The following KDM1A variants were observed in gnomAD, a reference collection of about 807,000 sequenced individuals.
KDM1A encodes lysine demethylase 1A.
KDM1A carries 49 observed loss-of-function variants against 109.4 expected under a neutral mutation model. That is an observed-to-expected ratio of 0.45 (90% CI 0.36 to 0.57). The LOEUF is 0.57. Ranked by LOEUF, KDM1A falls within the 20% of genes least tolerant of loss-of-function variation. The pLI is 0.00. For missense variants in KDM1A, 668 were observed against 1,116.6 expected, an observed-to-expected ratio of 0.60 and a Z score of 5.73; for synonymous variants, 380 against 415.4, an observed-to-expected ratio of 0.91 and a Z score of 1.04.
In KDM1A at chr1:23,027,721, CT is replaced by C. The variant is rs34716853; in HGVS notation, c.352-2732del. Among the ~76,000 whole-genome samples the C allele has an allele frequency of 3.5e-3, 474 of 136,462 alleles. 3 individuals carry two copies. Among genetic ancestry groups the C allele is most frequent in the South Asian group, 0.02 (83 of 4,162 alleles). 89.5% of individuals were successfully genotyped at this position (136,462 alleles called of 152,430 possible). On this transcript the variant is annotated intron_variant, in intron 1 of 20. Transcript: ENST00000400181. ...ACAGGCTTGAGCCACCGCTCCCAGC[CT>C]TTTTTTTTTTTTTTTAAGCTTGCTT... is the stretch of plus-strand genomic sequence containing the variant.
intron 9 of KDM1A, among the ~76,000 whole-genome samples, chr1:23,063,243 T>G (rs1221101116): frequency 4.6e-5 from 6 of 129,706 alleles, no homozygotes; most frequent in Non-Finnish European, 9.8e-5. Context: ...TGTGTGTGTG[T>G]GTGTGTGTGT....
chr1:23,061,918 C>T (rs1280656070), intron 9 of KDM1A, among the ~76,000 whole-genome samples: 1 of 152,154 alleles, frequency 6.6e-6, no homozygotes, highest in Non-Finnish European at 1.5e-5. Context: ...CTTAGCCTCC[C>T]AAAGTGCTAG....
chr1:23,053,976 A>T (rs992265187), intron 5 of KDM1A, 137 bp downstream of exon 5: 2 of 616,608 alleles, frequency 3.2e-6, no homozygotes, highest in Admixed American at 5.8e-5. Context: ...CTGTGCAAAA[A>T]TAAGTCTTAT....
Position 23,073,456 on chromosome 1 carries a change from A to C in KDM1A, c.1734+53A>C, listed in dbSNP as rs939781677. The C allele has an allele frequency of 1.3e-5, 12 of 953,900 alleles. No homozygotes were observed. The African/African-American group carries it at 1.8e-4, about 14-fold the overall frequency. The allele number at this position is 953,900 out of a possible 1,614,324, so 59.1% of individuals were successfully genotyped here. On this transcript the variant is annotated intron_variant, in intron 15 of 20. Coordinates refer to ENST00000400181, the MANE Select transcript of KDM1A (RefSeq NM_001009999.3). ...TGCACATGCCTTTGAGAGGGATTGTAAGAGAAATAGTTAATTTTGTATGTG... is the reference window on the plus strand; with the variant it reads ...TGCACATGCCTTTGAGAGGGATTGTCAGAGAAATAGTTAATTTTGTATGTG...
intron 4 of KDM1A, 58 bp from the exon 5 acceptor site, chr1:23,053,703 A>G: frequency 1.7e-6 from 2 of 1,172,452 alleles, no homozygotes; most frequent in Non-Finnish European, 2.5e-6. Context: ...GATTTTAAAG[A>G]TAGTCAAATA....
At chr1:23,035,987 T>G (rs1010169348) in intron 2 of KDM1A, among the ~76,000 whole-genome samples, 1 of 152,176 alleles carries the variant, frequency 6.6e-6, no homozygotes, top group Non-Finnish European at 1.5e-5. Flanking sequence ...CTCTTCCCTG[T>G]GAGGCAGTCA....
Position 23,044,112 on chromosome 1 carries a change from G to A in KDM1A, c.518-315G>A, listed in dbSNP as rs75500174. 1.0e-3 allele frequency among the ~76,000 whole-genome samples: 155 copies of A among 152,166 alleles called. 2 individuals carry two copies. In the East Asian group the frequency reaches 0.024, roughly 23 times the overall value. On this transcript the variant is annotated intron_variant, in intron 2 of 20. Coordinates refer to ENST00000400181, the MANE Select transcript of KDM1A (RefSeq NM_001009999.3). ...TAGCAGCCGTTAGTAAAAGACACTCGGAATCCATTTTCCCCCATCCAGACT... is the reference window on the plus strand; with the variant it reads ...TAGCAGCCGTTAGTAAAAGACACTCAGAATCCATTTTCCCCCATCCAGACT...
chr1:23,021,271 C>A (rs373460207), intron 1 of KDM1A, among the ~76,000 whole-genome samples: 17 of 152,290 alleles, frequency 1.1e-4, no homozygotes, highest in African/African-American at 4.1e-4. Flanking sequence ...TTGGTGACAC[C>A]AGCCCTCAGA....
chr1:23,064,673 G>C (rs1422451372), intron 9 of KDM1A, among the ~76,000 whole-genome samples: 1 of 152,210 alleles, frequency 6.6e-6, no homozygotes, highest in Non-Finnish European at 1.5e-5. Context: ...CTTCTTGCAG[G>C]ATTGGGGACC....
At chr1:23,029,296 T>C (rs939150038) in intron 1 of KDM1A, among the ~76,000 whole-genome samples, 1 of 152,220 alleles carries the variant, frequency 6.6e-6, no homozygotes, top group African/African-American at 2.4e-5. Flanking sequence ...TTGCTTTTTT[T>C]CCACATCTAA....
At chr1:23,044,301 G>A in intron 2 of KDM1A, 126 bp from the exon 3 acceptor site, 2 of 773,266 alleles carry the variant, frequency 2.6e-6, no homozygotes, top group Non-Finnish European at 4.4e-6. Context: ...AGAAGAAGGA[G>A]CTCTCTGAAT....
chr1:23,078,107 T>G (rs1391312878), intron 16 of KDM1A, among the ~76,000 whole-genome samples: 2 of 152,210 alleles, frequency 1.3e-5, no homozygotes, highest in Non-Finnish European at 2.9e-5. Context: ...GCCATCAATC[T>G]TACCCTGCGC....
chr1:23,081,361 ACCAG>A, intron 18 of KDM1A, 81 bp from the exon 19 acceptor site: 1 of 1,475,932 alleles, frequency 6.8e-7, no homozygotes, highest in East Asian at 2.3e-5. Flanking sequence ...ATTTCAGAGC[ACCAG>A]GAATAAGGTG....
chr1:23,028,151 C>A (rs1641867401), intron 1 of KDM1A, among the ~76,000 whole-genome samples: 1 of 152,076 alleles, frequency 6.6e-6, no homozygotes, highest in African/African-American at 2.4e-5. Context: ...TTAGCAGTAC[C>A]TTTATTTTCT....
chr1:23,080,032 TCTTA>T (rs1346314326), intron 18 of KDM1A, among the ~76,000 whole-genome samples: 1 of 152,226 alleles, frequency 6.6e-6, no homozygotes, highest in African/African-American at 2.4e-5. Flanking sequence ...TGATTACTTC[TCTTA>T]CTATGTGTTT....
At chr1:23,042,697 C>T (rs1377264892) in intron 2 of KDM1A, among the ~76,000 whole-genome samples, 2 of 151,138 alleles carry the variant, frequency 1.3e-5, no homozygotes, top group Non-Finnish European at 2.9e-5. Flanking sequence ...CGTGATCCGC[C>T]CGCCTCGGCC....
chr1:23,026,318 G>A (rs1212568258), intron 1 of KDM1A, among the ~76,000 whole-genome samples: 5 of 151,364 alleles, frequency 3.3e-5, no homozygotes, highest in African/African-American at 1.2e-4. Flanking sequence ...TACATGAGAT[G>A]TTATGATATA....
At chr1:23,047,540 AT>A (rs1371195347) in intron 3 of KDM1A, among the ~76,000 whole-genome samples, 2 of 152,198 alleles carry the variant, frequency 1.3e-5, no homozygotes, top group Admixed American at 6.5e-5. Flanking sequence ...TATAAATAAC[AT>A]TTCTTAATCA....
intron 2 of KDM1A, among the ~76,000 whole-genome samples, chr1:23,037,918 A>T (rs1642196860): frequency 6.6e-6 from 1 of 152,134 alleles, no homozygotes; most frequent in African/African-American, 2.4e-5. Flanking sequence ...AATTTATTTG[A>T]ATTCTTTTTG....
Sources: allele counts gnomAD v4.1 joint callset (sites outside exome capture counted in the v4.1 genomes callset), GRCh38; gene constraint gnomAD v4.1.1; transcripts MANE v1.5; gene names NCBI Gene and HGNC (gene_info 2026-07-23, HGNC 2026-07-21).